Variants in ESR1 observed in about 807,000 individuals in gnomAD.
ESR1 encodes estrogen receptor.
ESR1 carries 12 observed loss-of-function variants against 52.7 expected under a neutral mutation model. The ratio of observed to expected loss-of-function variants is 0.23; its 90% CI spans 0.15 to 0.37. The LOEUF is 0.37. ESR1 is among the 10% of genes least tolerant of loss of function. The pLI is 1.00. For missense variants in ESR1, 584 were observed against 779.7 expected, an observed-to-expected ratio of 0.75 and a Z score of 2.99; for synonymous variants, 305 against 316.8, an observed-to-expected ratio of 0.96 and a Z score of 0.39.
At chr6:151,725,479 A>G (rs1781772362) in intron 2 of ESR1, among the ~76,000 whole-genome samples, 1 of 152,210 alleles carries the variant, frequency 6.6e-6, no homozygotes, top group Non-Finnish European at 1.5e-5. Context: ...GTTTCTTGGT[A>G]AAGTCTCCAA....
chr6:152,122,244 T>C (rs2051557417), intron 6 of ESR1: 2 of 819,720 alleles, frequency 2.4e-6, no homozygotes, highest in Non-Finnish European at 3.9e-6. Flanking sequence ...TTGTTGTCTG[T>C]TTGTTCCCCC....
intron 4 of ESR1, among the ~76,000 whole-genome samples, chr6:151,945,022 C>T (rs919268257): frequency 2.0e-5 from 3 of 152,052 alleles, no homozygotes; most frequent in African/African-American, 7.2e-5. Context: ...TTGAGGCCAT[C>T]CGGGGCAACG....
chr6:151,808,418 G>A, intron 1 of ESR1, 54 bp downstream of exon 1: 1 of 1,166,742 alleles, frequency 8.6e-7, no homozygotes, highest in Non-Finnish European at 1.1e-6. Context: ...GCAGGAGGGA[G>A]GGAGGGAGGG....
chr6:152,051,512 G>A (rs780760961), intron 5 of ESR1, among the ~76,000 whole-genome samples: 4 of 152,044 alleles, frequency 2.6e-5, no homozygotes, highest in Non-Finnish European at 5.9e-5. Flanking sequence ...CTCCTCCTTG[G>A]TGCTTTCTTC....
At chr6:151,658,591 A>G (rs1777534054) in intron 1 of ESR1, among the ~76,000 whole-genome samples, 1 of 152,228 alleles carries the variant, frequency 6.6e-6, no homozygotes, top group Admixed American at 6.5e-5. Context: ...GTGTATATTT[A>G]TAAATAATAT....
At chr6:151,830,944 G>T (rs934350364) in intron 1 of ESR1, among the ~76,000 whole-genome samples, 1 of 151,942 alleles carries the variant, frequency 6.6e-6, no homozygotes, top group African/African-American at 2.4e-5. Context: ...GTTAAACTAG[G>T]TATTATCTGT....
intron 3 of ESR1, among the ~76,000 whole-genome samples, chr6:151,913,433 GC>G (rs1304571318): frequency 6.6e-6 from 1 of 152,176 alleles, no homozygotes; most frequent in Non-Finnish European, 1.5e-5. Flanking sequence ...TTTTGTACAT[GC>G]ATACACTTTA....
chr6:152,041,691 T>C (rs767429119), intron 5 of ESR1, among the ~76,000 whole-genome samples: 1 of 152,246 alleles, frequency 6.6e-6, no homozygotes, highest in Non-Finnish European at 1.5e-5. Flanking sequence ...CAGTGTGATA[T>C]CTTGTGGAAG....
intron 4 of ESR1, among the ~76,000 whole-genome samples, chr6:151,961,915 CAG>C (rs1268569923): frequency 6.6e-6 from 1 of 152,016 alleles, no homozygotes; most frequent in East Asian, 1.9e-4. Flanking sequence ...GGGCGGCTGG[CAG>C]AGAGTTGAAT....
intron 4 of ESR1, among the ~76,000 whole-genome samples, chr6:151,951,637 T>C (rs1483490207): frequency 1.3e-5 from 2 of 152,174 alleles, no homozygotes; most frequent in Non-Finnish European, 2.9e-5. Context: ...TTGGTTGTAA[T>C]AGGACATCAA....
chr6:151,769,410 G>C (rs530630582), intron 2 of ESR1, among the ~76,000 whole-genome samples: 70 of 152,246 alleles, frequency 4.6e-4, no homozygotes, highest in Non-Finnish European at 9.0e-4. Context: ...CAATAGCCCT[G>C]ATCTCGACTC....
chr6:151,969,450 C>T (rs1213428020), intron 4 of ESR1, among the ~76,000 whole-genome samples: 1 of 152,044 alleles, frequency 6.6e-6, no homozygotes, highest in Admixed American at 6.5e-5. Context: ...AGCAAGTGCC[C>T]TTTTGAGGGA....
intron 5 of ESR1, among the ~76,000 whole-genome samples, chr6:152,020,281 C>T (rs2043523595): frequency 6.6e-6 from 1 of 152,132 alleles, no homozygotes; most frequent in African/African-American, 2.4e-5. Flanking sequence ...AAAGCAAGAT[C>T]ATTCCTTATG....
At chr6:152,115,089 C>G (rs6903345) in intron 6 of ESR1, among the ~76,000 whole-genome samples, 8 of 151,284 alleles carry the variant, frequency 5.3e-5, no homozygotes. Flanking sequence ...AAATGTCAAG[C>G]CTTATATTTC....
intron 1 of ESR1, among the ~76,000 whole-genome samples, chr6:151,674,372 T>TA (rs1778181390): frequency 6.6e-6 from 1 of 152,358 alleles, no homozygotes; most frequent in Admixed American, 6.5e-5. Context: ...CATTCTTTTT[T>TA]ATGGTTGCAT....
rs2045051983 is a variant in ESR1, at chr6:152,034,219, C to T, written c.1235+22425C>T. On this transcript the variant is annotated intron_variant, in intron 5 of 7. Coordinates refer to ENST00000206249, the MANE Select transcript of ESR1 (RefSeq NM_000125.4). ...CGAGTTAATGGGTGCAGCACACCAA[C>T]ATGGCACATGTATGCATATGTAACA... 2.6e-5 allele frequency among the ~76,000 whole-genome samples: 4 copies of T among 152,112 alleles called. No individual in the cohort carries two copies. In the South Asian group the frequency reaches 8.3e-4, roughly 32 times the overall value.
At chr6:152,124,708 A>G (rs969197768) in intron 6 of ESR1, among the ~76,000 whole-genome samples, 5 of 152,134 alleles carry the variant, frequency 3.3e-5, no homozygotes, top group Admixed American at 3.3e-4. Context: ...AAAAAAGTAT[A>G]TTTTGTGAAA....
chr6:152,108,092 G>A (rs934676915), downstream of ESR1, among the ~76,000 whole-genome samples: 11 of 152,150 alleles, frequency 7.2e-5, no homozygotes, highest in Admixed American at 5.2e-4. Context: ...GCACACAGCC[G>A]TCATGGTCAG....
chr6:151,918,363 G>A (rs1228318539), intron 3 of ESR1, among the ~76,000 whole-genome samples: 4 of 152,186 alleles, frequency 2.6e-5, no homozygotes, highest in East Asian at 1.9e-4. Context: ...TAGGAGGAAA[G>A]GGGATAATGT....
Sources: gnomAD v4.1 joint callset for allele counts (sites outside exome capture counted in the v4.1 genomes callset) on GRCh38, gnomAD v4.1.1 for gene constraint, MANE v1.5 for transcripts, NCBI Gene and HGNC (gene_info 2026-07-23, HGNC 2026-07-21) for gene names.